Variants in TNKS1BP1 observed in about 807,000 individuals in gnomAD.
TNKS1BP1 encodes 182 kDa tankyrase-1-binding protein.
Under a neutral mutation model 141.1 loss-of-function variants are expected in TNKS1BP1, and 48 were observed. The observed-to-expected ratio is 0.34, with a 90% CI of 0.27 to 0.43. TNKS1BP1 has a LOEUF of 0.43. Ranked by LOEUF, TNKS1BP1 falls within the 20% of genes least tolerant of loss-of-function variation. The pLI is 1.00. For missense variants in TNKS1BP1, 2,149 were observed against 2,226.0 expected (o/e 0.97, Z 0.70); for synonymous variants, 875 against 898.2 (o/e 0.97, Z 0.46).
At chr11:57,308,289 A>G (rs1855643194) in intron 6 of TNKS1BP1, 106 bp downstream of exon 6, 2 of 1,475,246 alleles carry the variant, frequency 1.4e-6, no homozygotes, top group East Asian at 2.3e-5. Context: ...CCAAACACTA[A>G]AAGTCCTCAG....
chr11:57,322,227 C>T, intron 1 of TNKS1BP1: 2 of 1,099,844 alleles, frequency 1.8e-6, no homozygotes, highest in South Asian at 2.8e-5. Flanking sequence ...CTCCAAGACA[C>T]CCCACTTACA....
At chr11:57,323,120 CATA>C (rs747741516) in intron 1 of TNKS1BP1, among the ~76,000 whole-genome samples, 10 of 152,156 alleles carry the variant, frequency 6.6e-5, no homozygotes, top group South Asian at 2.1e-4. Context: ...ATGCCTAGCA[CATA>C]ATAAGTGTTC....
Position 57,313,336 on chromosome 11 carries a change from G to A in TNKS1BP1, c.1352C>T (p.Pro451Leu), listed in dbSNP as rs1855745312. Residue 451 changes from proline (P) to leucine (L), a missense_variant, in exon 5 of 12, where the codon CCC becomes CTC. Pro to Leu is a moderately conservative substitution (Grantham distance 98, BLOSUM62 -3). Transcript: ENST00000358252. ...EKLGGSLAAL[P>L]QGQGSQLALD... The stretch of plus-strand genomic sequence containing the variant: ...GGCCAACTGGCTCCCCTGGCCTTGG[G>A]GCAGGGCAGCCAGCGAGCCCCCCAG... The A allele has an allele frequency of 6.2e-7, 1 of 1,612,852 alleles. No individual in the cohort carries two copies. Among genetic ancestry groups the A allele is most frequent in the East Asian group, 2.2e-5 (1 of 44,872 alleles).
intron 6 of TNKS1BP1, among the ~76,000 whole-genome samples, chr11:57,305,105 C>A (rs1023225951): frequency 6.6e-6 from 1 of 152,102 alleles, no homozygotes; most frequent in Non-Finnish European, 1.5e-5. Context: ...ATAAGCTGAG[C>A]CCCTCCCGGC....
Position 57,302,164 on chromosome 11 carries a change from C to CA in TNKS1BP1, c.4743dup (p.Gly1582TrpfsTer42). 2 of 1,613,544 alleles carry CA rather than the reference C, an allele frequency of 1.2e-6. No individual in the cohort carries two copies. Among genetic ancestry groups the CA allele is most frequent in the Non-Finnish European group, 1.7e-6 (2 of 1,179,992 alleles). On this transcript the variant is annotated frameshift_variant, in exon 8 of 12. Transcript: ENST00000358252. LOFTEE classifies it high-confidence loss of function. The surrounding 1 kb of genome is among the most constrained non-coding windows in gnomAD (Gnocchi z 5.5). ...GGCCGAATGACCGGGGCCCGGTGCC[C>CA]ACGCTTGCGCCCCAAGTTGGCACGG...
At position 57,309,630 on chromosome 11, in the gene TNKS1BP1, C is replaced by A; in HGVS notation, c.3081G>T (p.Leu1027Phe). Reference protein sequence around the residue: ...GRPGERGSGGLFSPSTAHVPD... With the variant: ...GRPGERGSGGFFSPSTAHVPD... The stretch of plus-strand genomic sequence containing the variant: ...GCACGTGGGCAGTGCTAGGACTGAA[C>A]AAGCCCCCGGATCCTCTCTCTCCTG... The change falls in exon 6 of 12, where the codon TTG becomes TTT. Residue 1027 changes from leucine (L) to phenylalanine (F), a missense_variant. Transcript: ENST00000358252. The surrounding 1 kb of genome is among the most constrained non-coding windows in gnomAD (Gnocchi z 4.3). 2 of 1,614,154 alleles carry A rather than the reference C, an allele frequency of 1.2e-6. No homozygotes were observed. Among genetic ancestry groups the A allele is most frequent in the African/African-American group, 1.3e-5 (1 of 75,056 alleles).
intron 3 of TNKS1BP1, 59 bp downstream of exon 3, chr11:57,320,020 C>CCCCCCCCAGACCACCACGCAGCCACAAAA: frequency 8.2e-7 from 1 of 1,213,902 alleles, no homozygotes; most frequent in Non-Finnish European, 1.2e-6. Context: ...AGCCCCCACC[C>CCCCCCCCAGACCACCACGCAGCCACAAAA]AATCCCACCC....
At chr11:57,305,654 G>A (rs1227778667) in intron 6 of TNKS1BP1, among the ~76,000 whole-genome samples, 1 of 151,324 alleles carries the variant, frequency 6.6e-6, no homozygotes, top group African/African-American at 2.4e-5. Flanking sequence ...AAGACTGCAC[G>A]GCTTGGGCCC....
chr11:57,311,554 C>T, intron 5 of TNKS1BP1: 2 of 725,722 alleles, frequency 2.8e-6, no homozygotes, highest in African/African-American at 3.8e-5. Flanking sequence ...GAGTCACCCA[C>T]ATCCCGGGAC....
chr11:57,306,447 T>C (rs1855612032), intron 6 of TNKS1BP1, among the ~76,000 whole-genome samples: 1 of 152,234 alleles, frequency 6.6e-6, no homozygotes, highest in South Asian at 2.1e-4. Flanking sequence ...CTAAGTCTTC[T>C]GTACGGCCAC....
At position 57,312,934 on chromosome 11, in the gene TNKS1BP1, T is replaced by C. The variant is rs1178120764; in HGVS notation, c.1754A>G (p.Gln585Arg). ...CTGCGACTCGTATCTCTCCTCTGCCTGCTGCAAAGGTAATCCAGGTGTGCC... is the reference window on the plus strand; with the variant it reads ...CTGCGACTCGTATCTCTCCTCTGCCCGCTGCAAAGGTAATCCAGGTGTGCC... ...TEGTPGLPLQ[Q>R]AEERYESQEP... Residue 585 changes from glutamine (Q) to arginine (R), a missense_variant, in exon 5 of 12, where the codon CAG becomes CGG. By Grantham distance (43) the Gln-to-Arg change is conservative. Coordinates refer to ENST00000358252, the MANE Select transcript of TNKS1BP1 (RefSeq NM_033396.3). 2 of 1,613,302 alleles carry C rather than the reference T, an allele frequency of 1.2e-6. No homozygotes were observed. Among genetic ancestry groups the C allele is most frequent in the African/African-American group, 2.7e-5 (2 of 74,922 alleles).
chr11:57,309,997 T>C lies in TNKS1BP1; in HGVS notation c.2714A>G (p.Gln905Arg). Residue 905 changes from glutamine to arginine, a missense_variant, in exon 6 of 12, where the codon CAG (glutamine) becomes CGG (arginine). Transcript: ENST00000358252. The surrounding 1 kb of genome is among the most constrained non-coding windows in gnomAD (Gnocchi z 4.3). The stretch of plus-strand genomic sequence containing the variant: ...GTCCCTCTTCCCCAAATCTTGGCCC[T>C]GCTCGTTGGCATCTTGGCTGGCATA... ...GAYASQDANEQGQDLGKRDHH... is the reference protein window; with the variant it reads ...GAYASQDANERGQDLGKRDHH... The C allele has an allele frequency of 6.2e-7, 1 of 1,614,118 alleles. No homozygotes were observed. The highest frequency in any genetic ancestry group is 8.5e-7 in the Non-Finnish European group (1 of 1,179,928).
At chr11:57,316,677 T>C (rs562993843) in intron 4 of TNKS1BP1, among the ~76,000 whole-genome samples, 6 of 152,128 alleles carry the variant, frequency 3.9e-5, no homozygotes, top group Admixed American at 3.9e-4. Context: ...CAACCACTTC[T>C]CCCCATCTCC....
chr11:57,312,373 C>T (rs563595410), intron 5 of TNKS1BP1, among the ~76,000 whole-genome samples, 161 bp downstream of exon 5: 32 of 152,318 alleles, frequency 2.1e-4, no homozygotes, highest in African/African-American at 6.7e-4. Flanking sequence ...ACACACCGTC[C>T]TGTGTGGCTC....
chr11:57,312,780 A>G lies in TNKS1BP1; in HGVS notation c.1908T>C (p.Asp636=), dbSNP rs779743316. Residue 636 remains aspartate, a synonymous_variant, in exon 5 of 12, where the codon GAT becomes GAC. Coordinates refer to ENST00000358252, the MANE Select transcript of TNKS1BP1 (RefSeq NM_033396.3). ...GCAGTGCCTGTCCAGGCTCAGGGGC[A>G]TCAGCAAAGAGAACACAGGGCTGGT... ...APDQPCVLFA[D]APEPGQALPV... 3.7e-6 allele frequency: 6 copies of G among 1,608,838 alleles called. No individual in the cohort carries two copies. Among genetic ancestry groups the G allele is most frequent in the Non-Finnish European group, 4.2e-6 (5 of 1,177,062 alleles).
At chr11:57,306,597 GAGGAGCCGTGCTTTCTGTT>G (rs1855614749) in intron 6 of TNKS1BP1, among the ~76,000 whole-genome samples, 1 of 152,096 alleles carries the variant, frequency 6.6e-6, no homozygotes, top group Non-Finnish European at 1.5e-5. Flanking sequence ...TCGGCTTTTT[GAGGAGCCGTGCTTTCTGTT>G]AGGAGCCACG....
At chr11:57,322,715 C>A (rs1380362682) in intron 1 of TNKS1BP1, among the ~76,000 whole-genome samples, 1 of 152,168 alleles carries the variant, frequency 6.6e-6, no homozygotes, top group Non-Finnish European at 1.5e-5. Context: ...CCGGCCCAGG[C>A]CTGGGCTGGG....
intron 4 of TNKS1BP1, among the ~76,000 whole-genome samples, chr11:57,317,551 G>A (rs1217120430): frequency 6.6e-6 from 1 of 152,240 alleles, no homozygotes. Flanking sequence ...GCACATAGTA[G>A]GGACTTAATC....
chr11:57,301,718 G>T, intron 9 of TNKS1BP1, 89 bp downstream of exon 9: 2 of 1,519,474 alleles, frequency 1.3e-6, no homozygotes, highest in Non-Finnish European at 1.8e-6. Context: ...ACAGGGGAAT[G>T]AATTGATGGA....
Sources: allele counts gnomAD v4.1 joint callset (sites outside exome capture counted in the v4.1 genomes callset), GRCh38; gene constraint gnomAD v4.1.1; non-coding constraint Gnocchi (gnomAD v3.1); transcripts MANE v1.5; gene names NCBI Gene and HGNC (gene_info 2026-07-23, HGNC 2026-07-21).